Variants in FNDC3B observed in about 807,000 individuals in gnomAD.
FNDC3B encodes the protein fibronectin type III domain-containing protein 3B.
FNDC3B carries 12 observed loss-of-function variants against 151.5 expected under a neutral mutation model. The observed-to-expected ratio is 0.08, with a 90% confidence interval of 0.05 to 0.13. FNDC3B has a LOEUF of 0.13. Ranked by LOEUF, FNDC3B falls within the 10% of genes least tolerant of loss-of-function variation. The pLI, the probability that FNDC3B is intolerant of heterozygous loss-of-function variation, is 1.00. For synonymous variants in FNDC3B, 528 were observed against 549.0 expected (o/e 0.96, Z 0.54); for missense variants, 1,214 against 1,505.3 (o/e 0.81, Z 3.20).
Position 172,335,021 on chromosome 3 carries a change from A to T in FNDC3B, c.1719A>T (p.Gly573=), listed in dbSNP as rs996340919. Residue 573 remains glycine (G), a synonymous_variant, in exon 15 of 26, where the codon GGA becomes GGT. Coordinates refer to ENST00000415807, the MANE Select transcript of FNDC3B (RefSeq NM_022763.4). ...LVCTTSPDRP[G]PPTRPLVKGP... is the part of the protein sequence containing the mutation. ...GTACGACGAGTCCTGACAGGCCTGG[A>T]CCTCCTACCAGACCGCTTGTCAAAG... The T allele has an allele frequency of 1.4e-5, 22 of 1,612,646 alleles. No individual in the cohort carries two copies. Among genetic ancestry groups the T allele is most frequent in the Non-Finnish European group, 1.7e-5 (20 of 1,179,636 alleles).
At chr3:172,386,618 T>C (rs1041589549) in intron 25 of FNDC3B, among the ~76,000 whole-genome samples, 9 of 151,986 alleles carry the variant, frequency 5.9e-5, no homozygotes, top group Non-Finnish European at 1.2e-4. Context: ...GGCAGGCACC[T>C]GTAGTCCGAG....
At chr3:172,098,954 C>A (rs114036614) in intron 1 of FNDC3B, among the ~76,000 whole-genome samples, 1 of 152,152 alleles carries the variant, frequency 6.6e-6, no homozygotes, top group South Asian at 2.1e-4. Flanking sequence ...AAGTGGTTTC[C>A]CACCAGCACA....
At chr3:172,150,605 T>G (rs1722169746) in intron 3 of FNDC3B, among the ~76,000 whole-genome samples, 2 of 152,226 alleles carry the variant, frequency 1.3e-5, no homozygotes, top group African/African-American at 2.4e-5. Flanking sequence ...AATGCATCAT[T>G]CTTTTTTTTT....
At chr3:172,100,670 T>C (rs75887574) in intron 1 of FNDC3B, among the ~76,000 whole-genome samples, 4,475 of 152,320 alleles carry the variant, frequency 0.029, 195 homozygotes, top group African/African-American at 0.093. Context: ...TGTCATTTCA[T>C]GTGAAATTTC....
At chr3:172,063,499 C>T (rs1189334152) in intron 1 of FNDC3B, among the ~76,000 whole-genome samples, 1 of 152,160 alleles carries the variant, frequency 6.6e-6, no homozygotes, top group African/African-American at 2.4e-5. Flanking sequence ...CTCATGCATT[C>T]CTGTGACGAG....
At chr3:172,280,034 C>G (rs1729628969) in intron 6 of FNDC3B, among the ~76,000 whole-genome samples, 1 of 152,182 alleles carries the variant, frequency 6.6e-6, no homozygotes, top group Non-Finnish European at 1.5e-5. Context: ...CCCACCTCAG[C>G]CTCCCAAGTA....
chr3:172,213,591 T>A (rs1725835266), intron 3 of FNDC3B, among the ~76,000 whole-genome samples: 1 of 152,228 alleles, frequency 6.6e-6, no homozygotes, highest in Non-Finnish European at 1.5e-5. Context: ...GTGCTCATAC[T>A]CTTGCTTAAC....
chr3:172,295,255 A>T, intron 7 of FNDC3B, 108 bp from the exon 8 acceptor site: 1 of 1,010,784 alleles, frequency 9.9e-7, no homozygotes, highest in Non-Finnish European at 1.5e-6. Context: ...CATTGTAATT[A>T]AACTAGTTTA....
chr3:172,183,445 G>C (rs1560006462), intron 3 of FNDC3B, among the ~76,000 whole-genome samples: 2 of 152,186 alleles, frequency 1.3e-5, no homozygotes, highest in African/African-American at 2.4e-5. Context: ...TCTTGAGAGA[G>C]GGAACTGTGT....
intron 11 of FNDC3B, among the ~76,000 whole-genome samples, chr3:172,312,288 C>T (rs908773084): frequency 5.9e-5 from 9 of 152,146 alleles, no homozygotes; most frequent in East Asian, 1.9e-4. Context: ...AGGATCGTTT[C>T]GAATAGCTTG....
chr3:172,279,838 T>C (rs1459088996), intron 6 of FNDC3B, among the ~76,000 whole-genome samples: 4 of 152,244 alleles, frequency 2.6e-5, no homozygotes, highest in African/African-American at 9.6e-5. Flanking sequence ...ATAAGTAATA[T>C]TTCAAAATTG....
chr3:172,315,978 C>T (rs1731763132), intron 11 of FNDC3B, among the ~76,000 whole-genome samples: 1 of 143,902 alleles, frequency 6.9e-6, no homozygotes, highest in Admixed American at 6.9e-5. Context: ...CATTGCTTCT[C>T]TTTTCCTTCT....
chr3:172,249,310 T>G (rs1727945365), intron 5 of FNDC3B, among the ~76,000 whole-genome samples: 1 of 152,218 alleles, frequency 6.6e-6, no homozygotes, highest in Admixed American at 6.5e-5. Flanking sequence ...ATGCTGTCCT[T>G]TGCAATTTTA....
intron 25 of FNDC3B, among the ~76,000 whole-genome samples, chr3:172,396,373 T>C (rs1451120872): frequency 6.6e-6 from 1 of 152,238 alleles, no homozygotes; most frequent in Non-Finnish European, 1.5e-5. Flanking sequence ...GCGTTTGTAA[T>C]GTATCCAGTT....
intron 1 of FNDC3B, among the ~76,000 whole-genome samples, chr3:172,064,471 T>G (rs1027937468): frequency 6.6e-6 from 1 of 152,256 alleles, no homozygotes; most frequent in African/African-American, 2.4e-5. Flanking sequence ...TACTCATCTT[T>G]TATTCATCTG....
intron 4 of FNDC3B, among the ~76,000 whole-genome samples, chr3:172,230,856 T>C (rs1051984194): frequency 6.6e-6 from 1 of 152,246 alleles, no homozygotes; most frequent in African/African-American, 2.4e-5. Flanking sequence ...ACACTGTATG[T>C]GTTAATGTAA....
intron 1 of FNDC3B, among the ~76,000 whole-genome samples, chr3:172,044,806 G>A (rs1716283119): frequency 6.6e-6 from 1 of 152,198 alleles, no homozygotes; most frequent in Non-Finnish European, 1.5e-5. Flanking sequence ...ACATCCCCAA[G>A]TGCTTAATAC....
chr3:172,104,441 A>G (rs1719534239), intron 1 of FNDC3B, among the ~76,000 whole-genome samples: 1 of 144,786 alleles, frequency 6.9e-6, no homozygotes, highest in African/African-American at 2.6e-5. Flanking sequence ...AGCATAGGGG[A>G]TGTGAAAAAT....
chr3:172,349,762 TCTC>T (rs1167222461), intron 21 of FNDC3B, among the ~76,000 whole-genome samples: 1 of 152,166 alleles, frequency 6.6e-6, no homozygotes, highest in Non-Finnish European at 1.5e-5. Context: ...TTCAAGCGAT[TCTC>T]CTGTCTCAGC....
Sources: gnomAD v4.1 joint callset for allele counts (sites outside exome capture counted in the v4.1 genomes callset) on GRCh38, gnomAD v4.1.1 for gene constraint, MANE v1.5 for transcripts, NCBI Gene and HGNC (gene_info 2026-07-23, HGNC 2026-07-21) for gene names.